Variants in VPS11 observed in about 807,000 individuals in gnomAD.
The protein encoded by VPS11 is VPS11 core subunit of CORVET and HOPS complexes.
VPS11 carries 51 observed loss-of-function variants against 106.8 expected under a neutral mutation model. The ratio of observed to expected loss-of-function variants is 0.48; its 90% CI spans 0.38 to 0.60. VPS11 has a LOEUF of 0.60. VPS11 is among the 20% of genes least tolerant of loss of function. The pLI is 0.00. For synonymous variants in VPS11, 453 were observed against 458.7 expected, an observed-to-expected ratio of 0.99 and a Z score of 0.16; for missense variants, 950 against 1,190.0, an observed-to-expected ratio of 0.80 and a Z score of 2.97.
In VPS11 at chr11:119,079,101, C is replaced by T. The variant is rs186578597; in HGVS notation, c.2267-28C>T. The stretch of plus-strand genomic sequence containing the variant: ...GAGAGTGCCACACGTGGTTGATTGT[C>T]TTGTTTCCTCTTGGACCCCAATCTC... On this transcript the variant is annotated intron_variant, in intron 13 of 15. Coordinates refer to ENST00000621676, the MANE Select transcript of VPS11 (RefSeq NM_021729.6). The T allele has an allele frequency of 6.3e-5, 102 of 1,612,234 alleles. No homozygotes were observed. In the African/African-American group the frequency reaches 1.1e-3, roughly 17 times the overall value.
At chr11:119,075,678 C>G (rs1945582053) in intron 7 of VPS11, among the ~76,000 whole-genome samples, 1 of 151,732 alleles carries the variant, frequency 6.6e-6, no homozygotes, top group African/African-American at 2.4e-5. Flanking sequence ...ATGGCGAAAC[C>G]CCATCTCTAC....
intron 6 of VPS11, 70 bp from the exon 7 acceptor site, chr11:119,073,730 T>C (rs1006534267): frequency 1.3e-4 from 191 of 1,522,974 alleles, no homozygotes; most frequent in Non-Finnish European, 1.6e-4. Context: ...TTGTGTGTTG[T>C]GCGCACATTT....
chr11:119,073,378 G>T lies in VPS11; in HGVS notation c.1065G>T (p.Lys355Asn), dbSNP rs782444356. Residue 355 changes from lysine (K) to asparagine (N), a missense_variant, in exon 6 of 16, where the codon AAG becomes AAT. Physicochemically the swap from Lys to Asn is moderately conservative, Grantham distance 94. This residue lies in a region of VPS11 where 435 missense variants were observed against 630.2 expected (regional missense o/e 0.69). Transcript: ENST00000621676. The part of the protein sequence containing the change: ...RDGRVHALQE[K>N]DTQTKLEMLF... ...GGCGGGTCCACGCACTGCAGGAGAA[G>T]GACACACAGACCAAACTGGAGGCAA... 6.2e-7 allele frequency: 1 copy of T among 1,613,204 alleles called. No homozygotes were observed. Among genetic ancestry groups the T allele is most frequent in the South Asian group, 1.1e-5 (1 of 91,040 alleles).
Position 119,067,834 on chromosome 11 carries a change from A to G in VPS11, c.11A>G (p.Tyr4Cys), listed in dbSNP as rs2133638924. 4 of 1,548,098 alleles carry G rather than the reference A, an allele frequency of 2.6e-6. No homozygotes were observed. The highest frequency in any genetic ancestry group is 2.4e-5 in the East Asian group (1 of 41,108). Reference sequence around the variant, plus strand: ...GAGCCCTGGGCCAAAATGGCGGCCTACCTGCAGTGGCGGCGCTTCGTTTTC... The same window carrying G: ...GAGCCCTGGGCCAAAATGGCGGCCTGCCTGCAGTGGCGGCGCTTCGTTTTC... MAA[Y>C]LQWRRFVFFD... The change falls in exon 1 of 16, where the codon TAC becomes TGC. Residue 4 changes from tyrosine (Y) to cysteine (C), a missense_variant. Physicochemically the swap from Tyr to Cys is radical, Grantham distance 194. Around this residue, in one of 3 missense-constraint regions of VPS11, gnomAD observed 62 missense variants for 45.1 expected, o/e 1.37. Transcript: ENST00000621676.
At chr11:119,076,757 A>G in intron 7 of VPS11, 140 bp from the exon 8 acceptor site, 1 of 992,020 alleles carries the variant, frequency 1.0e-6, no homozygotes. Context: ...GGACTTTGTT[A>G]GAAATGTAGA....
At position 119,078,447 on chromosome 11, in the gene VPS11, G is replaced by A; in HGVS notation, c.1923+113G>A. On this transcript the variant is annotated intron_variant, in intron 11 of 15. Transcript: ENST00000621676. ...TAGACCAGTAACACCTTACCTCGGG[G>A]CTCAATGGTCCTCTGTGAAGAGGGA... 4 of 1,568,872 alleles carry A rather than the reference G, an allele frequency of 2.5e-6. No homozygotes were observed. The South Asian group carries it at 3.4e-5, about 13-fold the overall frequency.
At chr11:119,069,693 T>C in intron 3 of VPS11, 116 bp downstream of exon 3, 3 of 1,446,470 alleles carry the variant, frequency 2.1e-6, no homozygotes, top group Middle Eastern at 1.8e-4. Context: ...CTGAGGCCTT[T>C]GCGATATTAA....
rs946223299 is a variant in VPS11 at position 119,073,960 on chromosome 11, G to A, written c.1238+9G>A. The stretch of plus-strand genomic sequence containing the variant: ...GTCCAGCAATATATCCGGTCAGTCT[G>A]GAGGCACTTTGGGATATAGCTGTGA... On this transcript the variant is annotated intron_variant, in intron 7 of 15. Coordinates refer to ENST00000621676, the MANE Select transcript of VPS11 (RefSeq NM_021729.6). 1.2e-6 allele frequency: 2 copies of A among 1,605,864 alleles called. No individual in the cohort carries two copies. Among genetic ancestry groups the A allele is most frequent in the Non-Finnish European group, 8.5e-7 (1 of 1,174,210 alleles).
intron 14 of VPS11, among the ~76,000 whole-genome samples, chr11:119,080,543 A>G (rs896958876): frequency 6.9e-6 from 1 of 144,774 alleles, no homozygotes; most frequent in Non-Finnish European, 1.5e-5. Flanking sequence ...TAATCTTTAT[A>G]TTTTTAGTAG....
intron 6 of VPS11, 113 bp downstream of exon 6, chr11:119,073,512 A>G: frequency 7.6e-7 from 1 of 1,310,544 alleles, no homozygotes; most frequent in Non-Finnish European, 1.0e-6. Flanking sequence ...TCACAGCCTT[A>G]CTCAGCTTCC....
chr11:119,073,872 C>T lies in VPS11; in HGVS notation c.1159C>T (p.Leu387=), dbSNP rs2134766558. The T allele has an allele frequency of 6.2e-7, 1 of 1,613,922 alleles. No homozygotes were observed. Among genetic ancestry groups the T allele is most frequent in the Middle Eastern group, 1.7e-4 (1 of 6,028 alleles). ...AKSQHLDSDG[L]AQIFMQYGDH... is the part of the protein sequence containing the mutation. ...GAGCCAGCATCTGGACAGTGATGGG[C>T]TGGCCCAGATTTTCATGCAGTATGG... is the stretch of plus-strand genomic sequence containing the variant. Residue 387 remains leucine, a synonymous_variant, in exon 7 of 16, where the codon CTG becomes TTG. Transcript: ENST00000621676.
chr11:119,077,425 A>T, intron 8 of VPS11, 76 bp from the exon 9 acceptor site: 4 of 1,540,214 alleles, frequency 2.6e-6, no homozygotes, highest in Non-Finnish European at 3.5e-6. Flanking sequence ...TAGGAATCTG[A>T]AAGTCAGGTG....
Position 119,071,803 on chromosome 11 carries a change from T to C in VPS11, c.844T>C (p.Tyr282His). The change falls in exon 5 of 16, where the codon TAC becomes CAC. Residue 282 changes from tyrosine (Y) to histidine (H), a missense_variant. By Grantham distance (83) the Tyr-to-His change is moderately conservative. Coordinates refer to ENST00000621676, the MANE Select transcript of VPS11 (RefSeq NM_021729.6). The part of the protein sequence containing the change: ...HKLIAHWFRG[Y>H]LIIVSRDRKV... Reference sequence around the variant, plus strand: ...GCTCATTGCCCACTGGTTTAGAGGCTACCTTATCATTGTCTCCCGTGACCG... The same window carrying C: ...GCTCATTGCCCACTGGTTTAGAGGCCACCTTATCATTGTCTCCCGTGACCG... 1 of 1,613,912 alleles carries C rather than the reference T, an allele frequency of 6.2e-7. No homozygotes were observed. Among genetic ancestry groups the C allele is most frequent in the Non-Finnish European group, 8.5e-7 (1 of 1,179,822 alleles).
chr11:119,069,485 T>C lies in VPS11; in HGVS notation c.380T>C (p.Leu127Pro), dbSNP rs1945286424. 6.2e-7 allele frequency: 1 copy of C among 1,613,894 alleles called. No individual in the cohort carries two copies. The highest frequency in any genetic ancestry group is 1.7e-5 in the Admixed American group (1 of 59,984). The stretch of plus-strand genomic sequence containing the variant: ...GAGAAGAGAGATGGTGGCAATCCAC[T>C]CTGCACTCGAATCTTCCCTGCTATT... The part of the protein sequence containing the change: ...NLEKRDGGNP[L>P]CTRIFPAIPG... The change falls in exon 3 of 16, where the codon CTC becomes CCC. Residue 127 changes from leucine to proline, a missense_variant. Leu to Pro is a moderately conservative substitution (Grantham distance 98, BLOSUM62 -3). Transcript: ENST00000621676.
At chr11:119,070,824 T>TC (rs1945355088) in intron 4 of VPS11, 1 of 153,082 alleles carries the variant, frequency 6.5e-6, no homozygotes, top group South Asian at 2.0e-4. Flanking sequence ...CAGTCTGGTC[T>TC]CCAACTCCTG....
chr11:119,077,433 G>T lies in VPS11; in HGVS notation c.1426-68G>T, dbSNP rs867979798. The stretch of plus-strand genomic sequence containing the variant: ...ATCACCTTAGGAATCTGAAAGTCAG[G>T]TGCCTGTTTCCTCTCCCTTCTCTAT... On this transcript the variant is annotated intron_variant, in intron 8 of 15. Transcript: ENST00000621676. 1.2e-5 allele frequency: 18 copies of T among 1,553,290 alleles called. No individual in the cohort carries two copies. The South Asian group carries it at 1.9e-4, about 17-fold the overall frequency.
intron 14 of VPS11, among the ~76,000 whole-genome samples, chr11:119,080,291 C>T (rs1945800615): frequency 6.6e-6 from 1 of 152,034 alleles, no homozygotes. Context: ...CTCCTGACTT[C>T]AGGGGATCTG....
intron 3 of VPS11, 148 bp downstream of exon 3, chr11:119,069,725 G>A (rs539263620): frequency 3.5e-5 from 40 of 1,152,624 alleles, no homozygotes; most frequent in African/African-American, 3.2e-4. Flanking sequence ...GGGGCCAGGC[G>A]CGGTGGCTCA....
chr11:119,070,167 C>CT (rs1438688602), intron 3 of VPS11, 67 bp from the exon 4 acceptor site: 2 of 1,509,820 alleles, frequency 1.3e-6, no homozygotes, highest in African/African-American at 1.4e-5. Context: ...CTCAAGTGGT[C>CT]TTTTTTCCCC....
Sources: allele counts gnomAD v4.1 joint callset (sites outside exome capture counted in the v4.1 genomes callset), GRCh38; gene constraint gnomAD v4.1.1; regional missense constraint gnomAD v4.1.1; transcripts MANE v1.5; gene names NCBI Gene and HGNC (gene_info 2026-07-23, HGNC 2026-07-21).